The following VPS13A variants were observed in gnomAD, a reference collection of about 807,000 sequenced individuals.
VPS13A encodes the protein intermembrane lipid transfer protein VPS13A.
In VPS13A, 264 loss-of-function variants were observed where a neutral mutation model predicts 390.9. The observed-to-expected ratio is 0.68, with a 90% CI of 0.61 to 0.75. VPS13A has a LOEUF of 0.75. VPS13A is among the 30% of genes least tolerant of loss of function. The pLI is 0.00. For synonymous variants in VPS13A, 1,231 were observed against 1,227.1 expected (o/e 1.00, Z -0.07); for missense variants, 3,409 against 3,733.9 (o/e 0.91, Z 2.27).
chr9:77,335,007 T>C (rs571620673), intron 46 of VPS13A, among the ~76,000 whole-genome samples: 2 of 152,108 alleles, frequency 1.3e-5, no homozygotes, highest in Non-Finnish European at 2.9e-5. Context: ...GTCTAGCAAA[T>C]TTAAGGTGCC....
intron 50 of VPS13A, among the ~76,000 whole-genome samples, chr9:77,342,269 G>A (rs1830872626): frequency 6.6e-6 from 1 of 152,102 alleles, no homozygotes; most frequent in Non-Finnish European, 1.5e-5. Flanking sequence ...TCCTTAATCT[G>A]AAAATACGAA....
chr9:77,322,434 G>T (rs1328045395), intron 44 of VPS13A, among the ~76,000 whole-genome samples: 1 of 151,750 alleles, frequency 6.6e-6, no homozygotes, highest in African/African-American at 2.4e-5. Context: ...GACATAGGGG[G>T]GTAGGCTACT....
intron 59 of VPS13A, among the ~76,000 whole-genome samples, chr9:77,361,035 A>G (rs568764915): frequency 6.6e-6 from 1 of 152,240 alleles, no homozygotes; most frequent in East Asian, 1.9e-4. Flanking sequence ...CCATAAAATC[A>G]TAGTTATAAA....
At chr9:77,297,569 G>A (rs946915134) in intron 33 of VPS13A, among the ~76,000 whole-genome samples, 2 of 151,372 alleles carry the variant, frequency 1.3e-5, no homozygotes, top group South Asian at 2.1e-4. Flanking sequence ...AATTTTGTCT[G>A]TCTTTTTTTT....
At chr9:77,347,510 T>G (rs1025179459) in intron 52 of VPS13A, among the ~76,000 whole-genome samples, 1 of 152,142 alleles carries the variant, frequency 6.6e-6, no homozygotes, top group African/African-American at 2.4e-5. Flanking sequence ...AGTGTCTCAA[T>G]CTGTTGCCCA....
rs919081626 is a variant in VPS13A at position 77,314,039 on chromosome 9, T to C, written c.4162T>C (p.Leu1388=). ...AAVVEVHSRA[L]LVKTTLNISF... ...TGTGGTAGAAGTACATTCACGTGCC[T>C]TACTAGTTAAGACAACACTAAACAT... The change falls in exon 36 of 72, where the codon TTA becomes CTA. Residue 1388 remains leucine, a synonymous_variant. Transcript: ENST00000360280. The C allele has an allele frequency of 6.2e-7, 1 of 1,613,290 alleles. No individual in the cohort carries two copies. Among genetic ancestry groups the C allele is most frequent in the Non-Finnish European group, 8.5e-7 (1 of 1,179,604 alleles).
At chr9:77,247,751 C>G (rs1824904092) in intron 20 of VPS13A, among the ~76,000 whole-genome samples, 1 of 152,170 alleles carries the variant, frequency 6.6e-6, no homozygotes, top group African/African-American at 2.4e-5. Context: ...ACCTCTGCCT[C>G]CTAGGTTCAA....
In VPS13A at chr9:77,273,303, A is replaced by T. The variant is rs368216295; in HGVS notation, c.2451A>T (p.Gly817=). 2 of 1,611,994 alleles carry T rather than the reference A, an allele frequency of 1.2e-6. No individual in the cohort carries two copies. The highest frequency in any genetic ancestry group is 2.7e-5 in the African/African-American group (2 of 74,894). ...AGATTCAAACATCTACTTCTTTGGG[A>T]ACATCACAGATTTCACAGAAAATAA... ...SFQIQTSTSL[G]TSQISQKIIP... is the part of the protein sequence containing the mutation. The change falls in exon 24 of 72, where the codon GGA becomes GGT. Residue 817 remains glycine (G), a synonymous_variant. Coordinates refer to ENST00000360280, the MANE Select transcript of VPS13A (RefSeq NM_033305.3).
chr9:77,409,252 G>A (rs971082948), intron 71 of VPS13A, among the ~76,000 whole-genome samples: 29 of 151,986 alleles, frequency 1.9e-4, no homozygotes, highest in Admixed American at 1.5e-3. Flanking sequence ...TTTGTTAGAA[G>A]GAAAACTAAT....
At chr9:77,237,584 C>T (rs560019088) in intron 17 of VPS13A, among the ~76,000 whole-genome samples, 6 of 152,206 alleles carry the variant, frequency 3.9e-5, no homozygotes, top group South Asian at 2.1e-4. Context: ...AGTTTGGTCT[C>T]GAACTCTTGA....
chr9:77,224,799 G>A (rs1466419022), intron 13 of VPS13A, among the ~76,000 whole-genome samples: 1 of 152,202 alleles, frequency 6.6e-6, no homozygotes, highest in Non-Finnish European at 1.5e-5. Context: ...AGGAAATTCT[G>A]TAAGTAAAAT....
In VPS13A at chr9:77,318,343, A is replaced by G; in HGVS notation, c.5065A>G (p.Lys1689Glu). The G allele has an allele frequency of 1.2e-6, 2 of 1,613,460 alleles. No homozygotes were observed. The highest frequency in any genetic ancestry group is 2.7e-5 in the African/African-American group (2 of 74,918). Reference protein sequence around the residue: ...TASSTAHLWEKKDTKTLKMWF... With the variant: ...TASSTAHLWEEKDTKTLKMWF... The stretch of plus-strand genomic sequence containing the variant: ...TTCTTCTACTGCACATTTATGGGAA[A>G]AGAAGGATACAAAGACTTTAAAAAT... Residue 1689 changes from lysine to glutamate, a missense_variant, in exon 41 of 72, where the codon AAG becomes GAG. Lys to Glu is a moderately conservative substitution (Grantham distance 56). Around this residue, in one of 5 missense-constraint regions of VPS13A, gnomAD observed 2,717 missense variants for 2,917.4 expected, o/e 0.93. Coordinates refer to ENST00000360280, the MANE Select transcript of VPS13A (RefSeq NM_033305.3).
chr9:77,407,701 G>C, intron 71 of VPS13A, 94 bp downstream of exon 71: 1 of 1,020,598 alleles, frequency 9.8e-7, no homozygotes, highest in South Asian at 1.4e-5. Context: ...TTTGTTTGGG[G>C]GTTTTTGTTT....
intron 23 of VPS13A, among the ~76,000 whole-genome samples, chr9:77,265,452 TA>T (rs1825983984): frequency 6.6e-6 from 1 of 152,218 alleles, no homozygotes; most frequent in Admixed American, 6.5e-5. Flanking sequence ...GATAGGCTAT[TA>T]ATTACTGCCT....
intron 31 of VPS13A, among the ~76,000 whole-genome samples, chr9:77,290,220 C>G (rs982947641): frequency 6.6e-6 from 1 of 152,070 alleles, no homozygotes; most frequent in Non-Finnish European, 1.5e-5. Context: ...TGTGTTTTCC[C>G]CCTTTCCAAC....
chr9:77,282,366 T>C (rs1033892581), intron 29 of VPS13A, 92 bp downstream of exon 29: 20 of 1,200,416 alleles, frequency 1.7e-5, no homozygotes, highest in Middle Eastern at 2.9e-4. Context: ...TAACTTCAAA[T>C]ATTGGCTTCA....
intron 48 of VPS13A, 72 bp downstream of exon 48, chr9:77,339,983 TAATA>T: frequency 1.3e-6 from 2 of 1,524,928 alleles, no homozygotes; most frequent in Non-Finnish European, 1.8e-6. Context: ...AAGTTCTGAG[TAATA>T]AATATTATGA....
Position 77,221,458 on chromosome 9 carries a change from C to A in VPS13A, c.1161+102C>A, listed in dbSNP as rs527923739. On this transcript the variant is annotated intron_variant, in intron 13 of 71. Transcript: ENST00000360280. ...TACCTTTCATTCCAATTTTTATTGA[C>A]CTTTTCATCTCTTTTACTTAGACTT... 21 of 1,288,120 alleles carry A rather than the reference C, an allele frequency of 1.6e-5. No individual in the cohort carries two copies. The East Asian group carries it at 5.1e-4, about 31-fold the overall frequency. 79.8% of individuals were successfully genotyped at this position (1,288,120 alleles called of 1,614,324 possible).
intron 57 of VPS13A, 102 bp downstream of exon 57, chr9:77,358,540 T>A: frequency 1.0e-6 from 1 of 1,003,078 alleles, no homozygotes; most frequent in Non-Finnish European, 1.5e-6. Flanking sequence ...GTTTAATTTT[T>A]ATAGGATAAT....
Sources: allele counts gnomAD v4.1 joint callset (sites outside exome capture counted in the v4.1 genomes callset), GRCh38; gene constraint gnomAD v4.1.1; regional missense constraint gnomAD v4.1.1; transcripts MANE v1.5; gene names NCBI Gene and HGNC (gene_info 2026-07-23, HGNC 2026-07-21).